The following GALNT13 variants were observed in gnomAD, a reference collection of about 807,000 sequenced individuals.
GALNT13 encodes UDP-GalNAc:polypeptide N-acetylgalactosaminyltransferase 13.
In GALNT13, 28 loss-of-function variants were observed where a neutral mutation model predicts 64.2. That is an observed-to-expected ratio of 0.44 (90% CI 0.32 to 0.60). The LOEUF is 0.60. Among genes scored for constraint, GALNT13 ranks in the 20% least tolerant of loss-of-function variants. The pLI is 0.05. For synonymous variants in GALNT13, 214 were observed against 224.6 expected (o/e 0.95, Z 0.42); for missense variants, 577 against 669.8 (o/e 0.86, Z 1.53).
intron 3 of GALNT13, among the ~76,000 whole-genome samples, chr2:154,088,174 C>T (rs2105432172): frequency 6.6e-6 from 1 of 152,216 alleles, no homozygotes; most frequent in South Asian, 2.1e-4. Flanking sequence ...AGCCTTGCAT[C>T]TCTAATTGAT....
At chr2:154,417,626 T>G (rs1301296190) in intron 11 of GALNT13, among the ~76,000 whole-genome samples, 1 of 151,550 alleles carries the variant, frequency 6.6e-6, no homozygotes, top group African/African-American at 2.4e-5. Flanking sequence ...TTCTCCTACC[T>G]CAGCCCCCCC....
chr2:154,300,099 C>CTTTTT (rs368475927), intron 8 of GALNT13, among the ~76,000 whole-genome samples: 15 of 117,038 alleles, frequency 1.3e-4, no homozygotes, highest in South Asian at 5.6e-4. Context: ...TTCTTTCTCT[C>CTTTTT]TTTTTTTTTT....
chr2:153,963,861 T>C (rs978994488), intron 3 of GALNT13, among the ~76,000 whole-genome samples: 1 of 152,000 alleles, frequency 6.6e-6, no homozygotes, highest in Non-Finnish European at 1.5e-5. Context: ...GCTTGCCTTT[T>C]TACTTTTCTA....
At chr2:153,524,878 C>T in the GALNT13 span, among the ~76,000 whole-genome samples, 1 of 152,140 alleles carries the variant, frequency 6.6e-6, no homozygotes, top group African/African-American at 2.4e-5. Context: ...AGTCACAGGA[C>T]TGGGGGAGGC....
At chr2:153,331,627 C>T in the GALNT13 span, among the ~76,000 whole-genome samples, 2 of 151,880 alleles carry the variant, frequency 1.3e-5, no homozygotes, top group East Asian at 1.9e-4. Flanking sequence ...TTCCTTTTCA[C>T]GTTTTTTTTT....
the GALNT13 span, among the ~76,000 whole-genome samples, chr2:153,321,627 T>G: frequency 6.6e-6 from 1 of 152,068 alleles, no homozygotes; most frequent in African/African-American, 2.4e-5. Context: ...TAGCCTAGAT[T>G]CCCCCAAAAA....
chr2:153,568,844 T>C, the GALNT13 span, among the ~76,000 whole-genome samples: 1 of 152,242 alleles, frequency 6.6e-6, no homozygotes, highest in African/African-American at 2.4e-5. Flanking sequence ...TTAGTTTTGT[T>C]GTGGGAAATA....
At chr2:154,347,126 G>A (rs1373695271) in intron 9 of GALNT13, among the ~76,000 whole-genome samples, 3 of 152,084 alleles carry the variant, frequency 2.0e-5, no homozygotes, top group Admixed American at 6.6e-5. Context: ...AATAATGATT[G>A]TTAAAATAAT....
intron 3 of GALNT13, among the ~76,000 whole-genome samples, chr2:154,133,976 G>A (rs7420750): frequency 0.18 from 27,785 of 151,940 alleles, 3,341 homozygotes; most frequent in Non-Finnish European, 0.26. Flanking sequence ...TGGTAGTGTC[G>A]ACTGCTGTTT....
At chr2:154,454,204 C>A (rs1300377989), downstream of GALNT13, among the ~76,000 whole-genome samples, 1 of 152,058 alleles carries the variant, frequency 6.6e-6, no homozygotes, top group African/African-American at 2.4e-5. Context: ...GTCTTAGTTT[C>A]TCTGTTTATA....
intron 4 of GALNT13, among the ~76,000 whole-genome samples, chr2:154,180,621 A>T (rs994877786): frequency 6.6e-6 from 1 of 152,162 alleles, no homozygotes; most frequent in African/African-American, 2.4e-5. Context: ...ATCACCATGC[A>T]TAATAAGCGT....
At chr2:153,444,342 A>G in the GALNT13 span, among the ~76,000 whole-genome samples, 3 of 152,230 alleles carry the variant, frequency 2.0e-5, no homozygotes, top group African/African-American at 7.2e-5. Flanking sequence ...TGTACTCAAG[A>G]AATATTTTTT....
In GALNT13 at chr2:154,348,297, C is replaced by A. The variant is rs189014493; in HGVS notation, c.1156+46708C>A. ...GTCATTTGAGAGTGGGAAGAACCTACCCAAATGAATGGCTACCCAAACAGC... is the reference window on the plus strand; with the variant it reads ...GTCATTTGAGAGTGGGAAGAACCTAACCAAATGAATGGCTACCCAAACAGC... On this transcript the variant is annotated intron_variant, in intron 9 of 12. Transcript: ENST00000392825. Among the ~76,000 whole-genome samples, 5 of 152,056 alleles carry A rather than the reference C, an allele frequency of 3.3e-5. No individual in the cohort carries two copies. In the East Asian group the frequency reaches 9.7e-4, roughly 30 times the overall value.
At chr2:153,863,105 C>T in the GALNT13 span, among the ~76,000 whole-genome samples, 2 of 152,092 alleles carry the variant, frequency 1.3e-5, no homozygotes, top group African/African-American at 4.8e-5. Flanking sequence ...ATACCTTCTA[C>T]TTCTTCTCTG....
intron 3 of GALNT13, among the ~76,000 whole-genome samples, chr2:154,011,836 A>G (rs1023418385): frequency 3.3e-5 from 5 of 152,084 alleles, no homozygotes; most frequent in African/African-American, 1.2e-4. Context: ...TGTCTTTTTG[A>G]TCATTCTTGG....
the GALNT13 span, among the ~76,000 whole-genome samples, chr2:153,454,845 CAG>C: frequency 6.6e-6 from 1 of 152,178 alleles, no homozygotes; most frequent in South Asian, 2.1e-4. Flanking sequence ...ATTGTAACAA[CAG>C]AGGATTAGTT....
the GALNT13 span, among the ~76,000 whole-genome samples, chr2:153,676,401 C>G: frequency 6.6e-6 from 1 of 151,980 alleles, no homozygotes; most frequent in African/African-American, 2.4e-5. Flanking sequence ...AAGTCCAGGA[C>G]CAGACAGATT....
intron 10 of GALNT13, among the ~76,000 whole-genome samples, chr2:154,403,886 C>G (rs988803715): frequency 1.3e-5 from 2 of 152,260 alleles, no homozygotes; most frequent in South Asian, 4.2e-4. Context: ...CCATAGAATA[C>G]CTTTACGTTT....
chr2:154,090,203 G>A (rs1029393184), intron 3 of GALNT13, among the ~76,000 whole-genome samples: 1 of 151,938 alleles, frequency 6.6e-6, no homozygotes, highest in Non-Finnish European at 1.5e-5. Flanking sequence ...ATCAAAATAT[G>A]GGGATATTTA....
Sources: gnomAD v4.1 joint callset for allele counts (sites outside exome capture counted in the v4.1 genomes callset) on GRCh38, gnomAD v4.1.1 for gene constraint, MANE v1.5 for transcripts, NCBI Gene and HGNC (gene_info 2026-07-23, HGNC 2026-07-21) for gene names.